The following BMPR1B variants were observed in gnomAD, a reference collection of about 807,000 sequenced individuals.
BMPR1B encodes the protein bone morphogenetic protein receptor type 1B.
Under a neutral mutation model 59.1 loss-of-function variants are expected in BMPR1B, and 12 were observed. The ratio of observed to expected loss-of-function variants is 0.20; its 90% CI spans 0.13 to 0.33. The LOEUF (loss-of-function observed/expected upper bound fraction) is 0.33, where lower values mean the gene tolerates loss of function less well. Among genes scored for constraint, BMPR1B ranks in the 10% least tolerant of loss-of-function variants. The probability of loss-of-function intolerance (pLI) is 1.00; values close to 1 mark genes in which losing one functional copy is unlikely to be tolerated. For synonymous variants in BMPR1B, 237 were observed against 207.3 expected (o/e 1.14, Z -1.23); for missense variants, 550 against 610.9 (o/e 0.90, Z 1.05).
At chr4:94,976,532 C>T (rs527679355) in intron 2 of BMPR1B, among the ~76,000 whole-genome samples, 4 of 152,282 alleles carry the variant, frequency 2.6e-5, no homozygotes, top group African/African-American at 9.6e-5. Flanking sequence ...CTCAAACCCC[C>T]CATGTCTTAT....
intron 1 of BMPR1B, among the ~76,000 whole-genome samples, chr4:94,795,674 G>T (rs1723161683): frequency 6.6e-6 from 1 of 152,056 alleles, no homozygotes; most frequent in Non-Finnish European, 1.5e-5. Flanking sequence ...ATATTGGCCA[G>T]GCTGGTCTGG....
intron 3 of BMPR1B, among the ~76,000 whole-genome samples, chr4:95,015,716 C>G (rs1224008822): frequency 6.8e-6 from 1 of 147,012 alleles, no homozygotes. Context: ...TTTTTTGAGA[C>G]AGAGTCTCAC....
chr4:94,934,131 A>T (rs563580546), intron 2 of BMPR1B, among the ~76,000 whole-genome samples: 23 of 152,276 alleles, frequency 1.5e-4, no homozygotes, highest in African/African-American at 5.3e-4. Context: ...GGTTCATTTC[A>T]GTTATTTGTA....
intron 1 of BMPR1B, among the ~76,000 whole-genome samples, chr4:94,789,168 G>A (rs1161520692): frequency 2.0e-5 from 3 of 152,192 alleles, no homozygotes; most frequent in African/African-American, 4.8e-5. Flanking sequence ...ATCACAATCC[G>A]ATTGAGAAAT....
intron 1 of BMPR1B, among the ~76,000 whole-genome samples, chr4:94,770,702 T>C (rs556386896): frequency 6.6e-6 from 1 of 152,218 alleles, no homozygotes; most frequent in Non-Finnish European, 1.5e-5. Context: ...AAATAATTCC[T>C]TTTTTCACTG....
chr4:94,953,450 G>A (rs573098340), intron 2 of BMPR1B, among the ~76,000 whole-genome samples: 10 of 152,264 alleles, frequency 6.6e-5, no homozygotes, highest in African/African-American at 2.4e-4. Flanking sequence ...TTGTAAGGCA[G>A]GCCTGGTAGT....
intron 2 of BMPR1B, among the ~76,000 whole-genome samples, chr4:94,934,832 T>C (rs1729229448): frequency 6.6e-6 from 1 of 152,158 alleles, no homozygotes; most frequent in Admixed American, 6.5e-5. Context: ...TTTTTTGTTT[T>C]AGTTTTCTTT....
At chr4:94,966,522 G>A (rs1423459367) in intron 2 of BMPR1B, among the ~76,000 whole-genome samples, 1 of 152,078 alleles carries the variant, frequency 6.6e-6, no homozygotes, top group African/African-American at 2.4e-5. Context: ...CTTATTCAAA[G>A]TGCAAAGAAT....
intron 10 of BMPR1B, among the ~76,000 whole-genome samples, chr4:95,133,738 ATT>A (rs113650137): frequency 1.4e-5 from 2 of 144,150 alleles, no homozygotes; most frequent in Admixed American, 7.0e-5. Flanking sequence ...TGCCTGGCTA[ATT>A]TTTTTTTTTT....
At chr4:94,901,690 A>G (rs934976440) in intron 2 of BMPR1B, among the ~76,000 whole-genome samples, 2 of 152,002 alleles carry the variant, frequency 1.3e-5, no homozygotes, top group Admixed American at 6.6e-5. Context: ...AATAGTTGAT[A>G]TCTGATATCT....
In BMPR1B at chr4:94,835,539, T is replaced by A. The variant is rs1204590794; in HGVS notation, c.-182-40292T>A. On this transcript the variant is annotated intron_variant, in intron 1 of 12. Coordinates refer to ENST00000515059, the MANE Select transcript of BMPR1B (RefSeq NM_001203.3). ...CAGGATCGCAATAAATTATATCAGT[T>A]GGCAAAACTTTTTACACTGCAGTGA... Among the ~76,000 whole-genome samples, 3 of 152,208 alleles carry A rather than the reference T, an allele frequency of 2.0e-5. No individual in the cohort carries two copies. In the East Asian group the frequency reaches 5.8e-4, roughly 29 times the overall value.
chr4:94,990,390 A>C (rs1721658299), intron 2 of BMPR1B, among the ~76,000 whole-genome samples: 1 of 152,176 alleles, frequency 6.6e-6, no homozygotes, highest in Admixed American at 6.5e-5. Context: ...AGTTGAAGCA[A>C]AAACTTGTTT....
chr4:94,903,114 C>T (rs553240120), intron 2 of BMPR1B, among the ~76,000 whole-genome samples: 32 of 152,080 alleles, frequency 2.1e-4, no homozygotes, highest in African/African-American at 7.5e-4. Flanking sequence ...ATATTATATG[C>T]AAAATAAAGT....
intron 3 of BMPR1B, among the ~76,000 whole-genome samples, chr4:95,046,208 C>T (rs916272207): frequency 2.6e-5 from 4 of 152,066 alleles, no homozygotes; most frequent in African/African-American, 7.2e-5. Flanking sequence ...CCACTGTGTC[C>T]GGCTTTAATT....
In BMPR1B at chr4:94,812,073, T is replaced by C. The variant is rs116776050; in HGVS notation, c.-183+54005T>C. Reference sequence around the variant, plus strand: ...TTTGAAGACTTTTTCTTCCAGGTTATGTGGTCTGCTTGCCAGAGGACATTG... The same window carrying C: ...TTTGAAGACTTTTTCTTCCAGGTTACGTGGTCTGCTTGCCAGAGGACATTG... On this transcript the variant is annotated intron_variant, in intron 1 of 12. Coordinates refer to ENST00000515059, the MANE Select transcript of BMPR1B (RefSeq NM_001203.3). Among the ~76,000 whole-genome samples the C allele has an allele frequency of 9.0e-3, 1,376 of 152,276 alleles. 19 individuals are homozygous for C. The highest frequency in any genetic ancestry group is 0.03 in the African/African-American group (1,267 of 41,566).
rs569202896 is a variant in BMPR1B, at chr4:95,107,481, A to C, written c.143+2914A>C. On this transcript the variant is annotated intron_variant, in intron 4 of 12. Transcript: ENST00000515059. ...AGAAAGAAAAACAGCCACAGTAAAA[A>C]TGGAATCCCTCAAAAGAACATAGAT... 7.2e-5 allele frequency among the ~76,000 whole-genome samples: 11 copies of C among 152,222 alleles called. 1 individual carries two copies. Among genetic ancestry groups the C allele is most frequent in the Admixed American group, 5.2e-4 (8 of 15,270 alleles).
At chr4:95,070,800 AT>A (rs1728223006) in intron 3 of BMPR1B, among the ~76,000 whole-genome samples, 1 of 152,308 alleles carries the variant, frequency 6.6e-6, no homozygotes, top group African/African-American at 2.4e-5. Context: ...AAATAAAAAA[AT>A]GTATTGTACA....
chr4:94,848,410 T>C (rs1484666771), intron 1 of BMPR1B, among the ~76,000 whole-genome samples: 1 of 152,158 alleles, frequency 6.6e-6, no homozygotes, highest in Non-Finnish European at 1.5e-5. Context: ...TCGTTTTATA[T>C]TGGGGGAAGA....
intron 3 of BMPR1B, among the ~76,000 whole-genome samples, chr4:95,089,225 G>A (rs1729807701): frequency 6.6e-6 from 1 of 152,082 alleles, no homozygotes; most frequent in Non-Finnish European, 1.5e-5. Context: ...ACCTTATGTT[G>A]GTGTGGCTTA....
Sources: allele counts gnomAD v4.1 joint callset (sites outside exome capture counted in the v4.1 genomes callset), GRCh38; gene constraint gnomAD v4.1.1; transcripts MANE v1.5; gene names NCBI Gene and HGNC (gene_info 2026-07-23, HGNC 2026-07-21).